Variants in RIMS1 observed in about 807,000 individuals in gnomAD.
RIMS1 encodes the protein regulating synaptic membrane exocytosis protein 1.
A neutral mutation model predicts 214.1 loss-of-function variants in RIMS1; 83 were observed. That is an observed-to-expected ratio of 0.39 (90% CI 0.32 to 0.47). RIMS1 has a LOEUF of 0.47. Among genes scored for constraint, RIMS1 ranks in the 20% least tolerant of loss-of-function variants. The pLI, the probability that RIMS1 is intolerant of heterozygous loss-of-function variation, is 0.99. For missense variants in RIMS1, 2,050 were observed against 2,161.8 expected, an observed-to-expected ratio of 0.95 and a Z score of 1.03; for synonymous variants, 793 against 786.8, an observed-to-expected ratio of 1.01 and a Z score of -0.13.
At chr6:72,084,718 A>C (rs1440650062) in intron 2 of RIMS1, among the ~76,000 whole-genome samples, 1 of 152,170 alleles carries the variant, frequency 6.6e-6, no homozygotes, top group African/African-American at 2.4e-5. Context: ...AAATGGAATT[A>C]AAAATAAATG....
chr6:72,315,490 TAA>T (rs1200495793), intron 28 of RIMS1, among the ~76,000 whole-genome samples: 2 of 152,190 alleles, frequency 1.3e-5, no homozygotes, highest in African/African-American at 4.8e-5. Flanking sequence ...TAAGCTAACA[TAA>T]AGAGCTACTT....
intron 6 of RIMS1, among the ~76,000 whole-genome samples, chr6:72,186,124 A>T (rs1372330474): frequency 6.6e-6 from 1 of 152,268 alleles, no homozygotes. Context: ...ACAGTAGGCT[A>T]TTAGTAGTTA....
At chr6:72,110,063 C>T (rs1176820489) in intron 4 of RIMS1, among the ~76,000 whole-genome samples, 5 of 152,098 alleles carry the variant, frequency 3.3e-5, no homozygotes, top group African/African-American at 1.2e-4. Flanking sequence ...TTATCTATAT[C>T]TCTGTTTTGG....
In RIMS1 at chr6:72,091,612, C is replaced by G. The variant is rs180769173; in HGVS notation, c.246-5337C>G. ...AAATATATGCTATTAATCACCCAAACAACTTTTTTACAAATTGAATTTTAG... is the reference window on the plus strand; with the variant it reads ...AAATATATGCTATTAATCACCCAAAGAACTTTTTTACAAATTGAATTTTAG... On this transcript the variant is annotated intron_variant, in intron 2 of 33. Transcript: ENST00000521978. Among the ~76,000 whole-genome samples, 533 of 152,142 alleles carry G rather than the reference C, an allele frequency of 3.5e-3. 2 individuals are homozygous for G. Among genetic ancestry groups the G allele is most frequent in the Non-Finnish European group, 5.7e-3 (386 of 67,968 alleles).
At chr6:72,144,772 CTGAT>C (rs1396426804) in intron 4 of RIMS1, among the ~76,000 whole-genome samples, 2 of 152,130 alleles carry the variant, frequency 1.3e-5, no homozygotes, top group African/African-American at 4.8e-5. Context: ...CTGGAGATCA[CTGAT>C]TGGTTCACAG....
At chr6:72,191,153 C>G (rs142279584) in intron 6 of RIMS1, among the ~76,000 whole-genome samples, 1 of 152,332 alleles carries the variant, frequency 6.6e-6, no homozygotes, top group East Asian at 1.9e-4. Context: ...GGACCCCACT[C>G]AAAACTAGCA....
chr6:72,060,345 G>A (rs761334773), intron 2 of RIMS1, among the ~76,000 whole-genome samples: 4 of 152,044 alleles, frequency 2.6e-5, no homozygotes, highest in Non-Finnish European at 5.9e-5. Flanking sequence ...CACTATTTCA[G>A]TGCATCCTAC....
At chr6:72,026,701 C>G (rs932039699) in intron 2 of RIMS1, among the ~76,000 whole-genome samples, 5 of 152,208 alleles carry the variant, frequency 3.3e-5, no homozygotes, top group African/African-American at 9.6e-5. Flanking sequence ...ATAGAAAGAT[C>G]ATTTCCACCA....
chr6:72,320,581 G>T (rs999450130), intron 28 of RIMS1, among the ~76,000 whole-genome samples: 3 of 151,960 alleles, frequency 2.0e-5, no homozygotes, highest in African/African-American at 7.2e-5. Context: ...GCAATGTATA[G>T]TGAAACTTCA....
At chr6:71,926,536 C>G (rs1268590519) in intron 1 of RIMS1, among the ~76,000 whole-genome samples, 1 of 152,132 alleles carries the variant, frequency 6.6e-6, no homozygotes, top group Non-Finnish European at 1.5e-5. Context: ...TTTTACATGT[C>G]CACATAGATC....
intron 33 of RIMS1, among the ~76,000 whole-genome samples, chr6:72,399,410 A>T (rs552314732): frequency 5.5e-4 from 83 of 152,124 alleles, no homozygotes; most frequent in Middle Eastern, 3.4e-3. Flanking sequence ...ATAAATAGAT[A>T]GATAGAGATA....
chr6:72,333,765 C>A lies in RIMS1; in HGVS notation c.4296C>A (p.Ser1432=). The part of the protein sequence containing the change: ...TVGAGGKKRR[S]SLSAKVVAIV... The stretch of plus-strand genomic sequence containing the variant: ...GAGCAGGTGGAAAGAAACGGAGATC[C>A]AGCCTTAGTGCCAAAGTGGTTGCCA... Residue 1432 remains serine (S), a synonymous_variant, in exon 29 of 34, where the codon TCC becomes TCA. Transcript: ENST00000521978. 1 of 1,599,192 alleles carries A rather than the reference C, an allele frequency of 6.3e-7. No homozygotes were observed. Among genetic ancestry groups the A allele is most frequent in the East Asian group, 2.3e-5 (1 of 44,122 alleles).
intron 23 of RIMS1, among the ~76,000 whole-genome samples, chr6:72,277,920 C>G (rs1045605222): frequency 6.6e-6 from 1 of 151,974 alleles, no homozygotes; most frequent in Non-Finnish European, 1.5e-5. Context: ...TAATATGGCC[C>G]TGAAGCATCA....
chr6:71,944,443 C>T (rs1262925065), intron 1 of RIMS1, among the ~76,000 whole-genome samples: 1 of 152,074 alleles, frequency 6.6e-6, no homozygotes, highest in African/African-American at 2.4e-5. Context: ...AACGTGCAAC[C>T]ATTCTGGGAA....
chr6:72,314,625 G>C (rs1275555833), intron 28 of RIMS1, among the ~76,000 whole-genome samples: 1 of 152,066 alleles, frequency 6.6e-6, no homozygotes, highest in African/African-American at 2.4e-5. Context: ...TACTTTTGGT[G>C]TTCTCAGCAT....
intron 2 of RIMS1, among the ~76,000 whole-genome samples, chr6:72,053,858 T>A (rs542260896): frequency 1.4e-3 from 211 of 152,320 alleles, no homozygotes; most frequent in African/African-American, 4.8e-3. Flanking sequence ...TTCATGAAAC[T>A]GTTTCACAGA....
At chr6:72,372,475 T>A (rs1226446720) in intron 29 of RIMS1, among the ~76,000 whole-genome samples, 2 of 152,338 alleles carry the variant, frequency 1.3e-5, no homozygotes, top group Non-Finnish European at 2.9e-5. Context: ...AAAAATGCTC[T>A]TTTTTCCTGA....
At chr6:71,974,928 G>T (rs1014709221) in intron 2 of RIMS1, among the ~76,000 whole-genome samples, 1 of 152,128 alleles carries the variant, frequency 6.6e-6, no homozygotes, top group African/African-American at 2.4e-5. Flanking sequence ...TTGGGAGGAG[G>T]TGTAGAGATA....
At chr6:72,196,383 C>T (rs146983364) in intron 6 of RIMS1, among the ~76,000 whole-genome samples, 1,303 of 61,224 alleles carry the variant, frequency 0.021, 11 homozygotes, top group South Asian at 0.054. Context: ...GTCTGTCTAT[C>T]TATCTATCTA....
Sources: allele counts gnomAD v4.1 joint callset (sites outside exome capture counted in the v4.1 genomes callset), GRCh38; gene constraint gnomAD v4.1.1; transcripts MANE v1.5; gene names NCBI Gene and HGNC (gene_info 2026-07-23, HGNC 2026-07-21).